ZNF385D: variants seen among roughly 807,000 people sequenced by gnomAD.
The protein encoded by ZNF385D is zinc finger protein 659.
Under a neutral mutation model 35.8 loss-of-function variants are expected in ZNF385D, and 15 were observed. The ratio of observed to expected loss-of-function variants is 0.42; its 90% confidence interval spans 0.28 to 0.64. ZNF385D has a LOEUF of 0.64. Ranked by LOEUF, ZNF385D falls within the 30% of genes least tolerant of loss-of-function variation. The pLI is 0.23. For synonymous variants in ZNF385D, 212 were observed against 186.8 expected (o/e 1.13, Z -1.10); for missense variants, 474 against 494.6 (o/e 0.96, Z 0.39).
chr3:21,859,657 C>T (rs1024726587), intron 3 of ZNF385D, among the ~76,000 whole-genome samples: 1 of 138,866 alleles, frequency 7.2e-6, no homozygotes, highest in Non-Finnish European at 1.5e-5. Context: ...TTATTGCTGG[C>T]TGTGACTCCA....
chr3:22,278,769 G>A (rs544973621), intron 2 of ZNF385D, among the ~76,000 whole-genome samples: 1 of 152,218 alleles, frequency 6.6e-6, no homozygotes, highest in East Asian at 1.9e-4. Context: ...AGATGCAATT[G>A]AAGTATTCTC....
chr3:22,229,118 TG>T (rs1371487425), intron 2 of ZNF385D, among the ~76,000 whole-genome samples: 1 of 152,236 alleles, frequency 6.6e-6, no homozygotes, highest in East Asian at 1.9e-4. Flanking sequence ...CTATTAGTCC[TG>T]TCCCTCTAAA....
intron 5 of ZNF385D, among the ~76,000 whole-genome samples, chr3:21,432,097 C>T (rs769935766): frequency 1.1e-4 from 16 of 152,010 alleles, no homozygotes; most frequent in Non-Finnish European, 2.2e-4. Flanking sequence ...TAGAATTGTG[C>T]GGGACAGATT....
At chr3:22,154,614 C>G (rs937869502) in intron 3 of ZNF385D, among the ~76,000 whole-genome samples, 23 of 152,144 alleles carry the variant, frequency 1.5e-4, no homozygotes, top group African/African-American at 5.3e-4. Context: ...CTCCTTCAAG[C>G]CTTGGCATCT....
In ZNF385D at chr3:22,150,878, A is replaced by C. The variant is rs866151052; in HGVS notation, c.325+17939T>G. Among the ~76,000 whole-genome samples, 13 of 152,230 alleles carry C rather than the reference A, an allele frequency of 8.5e-5. No homozygotes were observed. In the Middle Eastern group the frequency reaches 0.02, roughly 239 times the overall value. ...GGTTCCTCAGGAGATTATTTAAGGGAACATCGAGCTTCCTGGGAAAATTTA... is the reference window on the plus strand; with the variant it reads ...GGTTCCTCAGGAGATTATTTAAGGGCACATCGAGCTTCCTGGGAAAATTTA... On this transcript the variant is annotated intron_variant, in intron 3 of 5. Transcript: ENST00000494108.
chr3:22,100,734 G>A (rs1281565807), intron 3 of ZNF385D, among the ~76,000 whole-genome samples: 1 of 151,618 alleles, frequency 6.6e-6, no homozygotes, highest in Non-Finnish European at 1.5e-5. Context: ...CCTAATGCTA[G>A]ATGACGAGTT....
intron 2 of ZNF385D, among the ~76,000 whole-genome samples, chr3:21,571,379 T>TTAATC (rs1399856153): frequency 1.3e-5 from 2 of 152,218 alleles, no homozygotes; most frequent in African/African-American, 2.4e-5. Flanking sequence ...GCTTTCCATG[T>TTAATC]TAATCTATTA....
chr3:22,315,498 G>A (rs967891047), intron 2 of ZNF385D, among the ~76,000 whole-genome samples: 1 of 152,184 alleles, frequency 6.6e-6, no homozygotes, highest in Non-Finnish European at 1.5e-5. Context: ...AAAACTATTT[G>A]GGAAGAGATA....
chr3:22,102,047 G>C (rs747803459), intron 3 of ZNF385D, among the ~76,000 whole-genome samples: 3 of 151,504 alleles, frequency 2.0e-5, no homozygotes, highest in Admixed American at 6.6e-5. Context: ...TGTGGTTTCT[G>C]TGGTAAAGTG....
chr3:21,990,068 G>A (rs187810016), intron 3 of ZNF385D, among the ~76,000 whole-genome samples: 2 of 152,268 alleles, frequency 1.3e-5, no homozygotes, highest in East Asian at 1.9e-4. Context: ...GACTCCAAAT[G>A]CAAGATTCTG....
chr3:22,154,969 T>C (rs545051743), intron 3 of ZNF385D, among the ~76,000 whole-genome samples: 14 of 152,280 alleles, frequency 9.2e-5, no homozygotes, highest in African/African-American at 1.4e-4. Context: ...GATTTGGTGG[T>C]TGACTACTAT....
intron 2 of ZNF385D, among the ~76,000 whole-genome samples, chr3:22,222,811 C>G (rs962003321): frequency 6.6e-6 from 1 of 152,156 alleles, no homozygotes; most frequent in Admixed American, 6.5e-5. Flanking sequence ...TAAAGAATGA[C>G]ATAATTGCTC....
At chr3:21,762,859 T>C (rs948297380) in intron 3 of ZNF385D, among the ~76,000 whole-genome samples, 1 of 152,130 alleles carries the variant, frequency 6.6e-6, no homozygotes, top group Non-Finnish European at 1.5e-5. Flanking sequence ...TTTTACAAGC[T>C]GGATCATTCA....
intron 3 of ZNF385D, among the ~76,000 whole-genome samples, chr3:22,100,878 A>G (rs1419547660): frequency 1.3e-5 from 2 of 151,848 alleles, no homozygotes; most frequent in East Asian, 3.8e-4. Context: ...AATAAAATAA[A>G]ATAAATAAAA....
At chr3:21,897,174 C>T (rs144732143) in intron 3 of ZNF385D, among the ~76,000 whole-genome samples, 21 of 152,182 alleles carry the variant, frequency 1.4e-4, no homozygotes, top group Admixed American at 1.3e-3. Flanking sequence ...TTTTTACTAC[C>T]TGAGATAAGA....
intron 3 of ZNF385D, among the ~76,000 whole-genome samples, chr3:21,909,954 CA>C (rs1461916294): frequency 2.0e-5 from 3 of 151,992 alleles, no homozygotes; most frequent in Non-Finnish European, 4.4e-5. Flanking sequence ...GTAACATTGA[CA>C]ATTCACAAAC....
chr3:21,619,996 G>A (rs2064957403), intron 2 of ZNF385D, among the ~76,000 whole-genome samples: 1 of 152,086 alleles, frequency 6.6e-6, no homozygotes, highest in South Asian at 2.1e-4. Flanking sequence ...TCTGTTCTGG[G>A]TCCCAACCAT....
At chr3:22,337,598 G>A (rs1215117407) in intron 2 of ZNF385D, among the ~76,000 whole-genome samples, 4 of 152,104 alleles carry the variant, frequency 2.6e-5, no homozygotes, top group African/African-American at 4.8e-5. Flanking sequence ...AGAACTCACC[G>A]AAAATGCCCA....
chr3:21,513,794 T>C (rs887659873), intron 3 of ZNF385D, among the ~76,000 whole-genome samples: 7 of 152,138 alleles, frequency 4.6e-5, no homozygotes, highest in African/African-American at 1.4e-4. Flanking sequence ...TATTGGACAG[T>C]TCCTAAATTA....
Sources: allele counts gnomAD v4.1 joint callset (sites outside exome capture counted in the v4.1 genomes callset), GRCh38; gene constraint gnomAD v4.1.1; transcripts MANE v1.5; gene names NCBI Gene and HGNC (gene_info 2026-07-23, HGNC 2026-07-21).